ANKRD45: variants seen among roughly 807,000 people sequenced by gnomAD.
ANKRD45 encodes ankyrin repeat domain 45.
In ANKRD45, 21 loss-of-function variants were observed where a neutral mutation model predicts 28.1. That is an observed-to-expected ratio of 0.75 (90% CI 0.53 to 1.08). The LOEUF (loss-of-function observed/expected upper bound fraction) is 1.08, where lower values mean the gene tolerates loss of function less well. Ranked by LOEUF, ANKRD45 falls within the 50% of genes least tolerant of loss-of-function variation. ANKRD45 has a pLI of 0.00. For missense variants in ANKRD45, 261 were observed against 308.7 expected (o/e 0.85, Z 1.16); for synonymous variants, 86 against 103.9 (o/e 0.83, Z 1.05).
intron 1 of ANKRD45, among the ~76,000 whole-genome samples, chr1:173,661,073 T>C (rs1196630798): frequency 1.3e-5 from 2 of 152,170 alleles, no homozygotes; most frequent in Non-Finnish European, 2.9e-5. Flanking sequence ...TCAAGATGTA[T>C]TTTTGTCAAG....
chr1:173,621,175 C>T (rs1266679690), intron 5 of ANKRD45, among the ~76,000 whole-genome samples: 1 of 152,126 alleles, frequency 6.6e-6, no homozygotes, highest in Non-Finnish European at 1.5e-5. Context: ...AGCCTACCAA[C>T]CAAAAAGAAG....
the ANKRD45 span, among the ~76,000 whole-genome samples, chr1:173,698,672 G>C: frequency 6.6e-6 from 1 of 152,222 alleles, no homozygotes; most frequent in Non-Finnish European, 1.5e-5. Context: ...TTAAAGCAGT[G>C]TGTAAAGGGA....
intron 3 of ANKRD45, among the ~76,000 whole-genome samples, chr1:173,635,128 G>T (rs1263038274): frequency 6.6e-6 from 1 of 152,014 alleles, no homozygotes; most frequent in Non-Finnish European, 1.5e-5. Flanking sequence ...TTAGTAAAGT[G>T]TTCACTTTTA....
At chr1:173,684,718 A>G in the ANKRD45 span, among the ~76,000 whole-genome samples, 2 of 152,192 alleles carry the variant, frequency 1.3e-5, no homozygotes, top group Non-Finnish European at 2.9e-5. Context: ...TGCAACATTG[A>G]GTTTTAATCA....
the ANKRD45 span, among the ~76,000 whole-genome samples, chr1:173,683,782 A>G: frequency 6.6e-6 from 1 of 152,298 alleles, no homozygotes; most frequent in African/African-American, 2.4e-5. Context: ...TGTTATATAT[A>G]AAGTTTCAGT....
intron 5 of ANKRD45, among the ~76,000 whole-genome samples, chr1:173,624,348 C>T (rs1452603468): frequency 1.3e-5 from 2 of 151,882 alleles, no homozygotes; most frequent in Non-Finnish European, 1.5e-5. Flanking sequence ...TAAAAATTGG[C>T]CAAGCATGGT....
intron 3 of ANKRD45, among the ~76,000 whole-genome samples, chr1:173,632,569 C>T (rs1668242742): frequency 6.6e-6 from 1 of 151,256 alleles, no homozygotes; most frequent in African/African-American, 2.4e-5. Context: ...AACTACAAGC[C>T]AATCTCCCTG....
chr1:173,620,169 G>A (rs980547158), intron 5 of ANKRD45, among the ~76,000 whole-genome samples: 6 of 152,084 alleles, frequency 3.9e-5, no homozygotes, highest in East Asian at 3.9e-4. Flanking sequence ...TCATCACCAC[G>A]TGGCACTTAC....
chr1:173,621,074 G>T (rs1015777213), intron 5 of ANKRD45, among the ~76,000 whole-genome samples: 1 of 152,002 alleles, frequency 6.6e-6, no homozygotes, highest in Non-Finnish European at 1.5e-5. Context: ...ATAAATTCCT[G>T]GACACATACA....
At chr1:173,671,181 A>AT (rs917304526), upstream of ANKRD45, among the ~76,000 whole-genome samples, 7 of 148,242 alleles carry the variant, frequency 4.7e-5, no homozygotes, top group East Asian at 3.9e-4. Context: ...CCCACCCCCT[A>AT]TTTTTTTTTC....
chr1:173,655,765 G>A (rs1411203505), intron 2 of ANKRD45, among the ~76,000 whole-genome samples: 1 of 152,210 alleles, frequency 6.6e-6, no homozygotes, highest in Non-Finnish European at 1.5e-5. Context: ...CACCCAGTTC[G>A]AGCTTCCCTG....
intron 5 of ANKRD45, among the ~76,000 whole-genome samples, chr1:173,615,145 C>A (rs1327344007): frequency 1.3e-5 from 2 of 151,990 alleles, no homozygotes; most frequent in Non-Finnish European, 2.9e-5. Context: ...AAAATGCCCC[C>A]CCAGACCGGG....
chr1:173,618,197 C>CAA (rs1198788934), intron 5 of ANKRD45, among the ~76,000 whole-genome samples: 1 of 152,192 alleles, frequency 6.6e-6, no homozygotes, highest in African/African-American at 2.4e-5. Flanking sequence ...GAGAAAGAAT[C>CAA]AATGCAAAAA....
the ANKRD45 span, among the ~76,000 whole-genome samples, chr1:173,682,684 T>TACGCACACACACACAC: frequency 5.6e-3 from 801 of 144,028 alleles, 4 homozygotes; most frequent in Middle Eastern, 0.011. Flanking sequence ...GCCTTTTAAA[T>TACGCACACACACACAC]ACACACACAC....
the ANKRD45 span, among the ~76,000 whole-genome samples, chr1:173,680,442 GA>G: frequency 5.3e-5 from 8 of 151,894 alleles, no homozygotes; most frequent in African/African-American, 1.9e-4. Flanking sequence ...CACAAGAACA[GA>G]AAACCAAACA....
rs1219999981 is a variant in ANKRD45, at chr1:173,635,819, A to G, written c.497-8660T>C. 4 of 1,530,282 alleles carry G rather than the reference A, an allele frequency of 2.6e-6. No homozygotes were observed. In the South Asian group the frequency reaches 4.8e-5, roughly 18 times the overall value. The allele number at this position is 1,530,282 out of a possible 1,614,324, so 94.8% of individuals were successfully genotyped here. Reference sequence around the variant, plus strand: ...TGTTTTGTCTGTGCATTACCTGTGGAAGAAATGGAAGAAACACCAAAAAAA... The same window carrying G: ...TGTTTTGTCTGTGCATTACCTGTGGGAGAAATGGAAGAAACACCAAAAAAA... On this transcript the variant is annotated intron_variant, in intron 3 of 5. Transcript: ENST00000333279.
intron 3 of ANKRD45, among the ~76,000 whole-genome samples, chr1:173,637,994 G>T (rs1668530026): frequency 6.6e-6 from 1 of 152,154 alleles, no homozygotes; most frequent in Non-Finnish European, 1.5e-5. Flanking sequence ...AGAGAGGCTT[G>T]CAGGACCACA....
intron 5 of ANKRD45, among the ~76,000 whole-genome samples, chr1:173,620,254 C>G (rs1667643842): frequency 6.6e-6 from 1 of 152,228 alleles, no homozygotes; most frequent in Non-Finnish European, 1.5e-5. Flanking sequence ...CAAACTGTCT[C>G]TCAGACCACA....
At chr1:173,639,774 C>T (rs1470216067) in intron 3 of ANKRD45, among the ~76,000 whole-genome samples, 1 of 152,204 alleles carries the variant, frequency 6.6e-6, no homozygotes, top group African/African-American at 2.4e-5. Flanking sequence ...AGTAGATCAG[C>T]TCAACTCACT....
Sources: gnomAD v4.1 joint callset for allele counts (sites outside exome capture counted in the v4.1 genomes callset) on GRCh38, gnomAD v4.1.1 for gene constraint, MANE v1.5 for transcripts, NCBI Gene and HGNC (gene_info 2026-07-23, HGNC 2026-07-21) for gene names.